Variants in ITGAV observed in about 807,000 individuals in gnomAD.
ITGAV encodes integrin subunit alpha V, also known as integrin alpha-V.
In ITGAV, 76 loss-of-function variants were observed where a neutral mutation model predicts 143.8. The ratio of observed to expected loss-of-function variants is 0.53; its 90% CI spans 0.44 to 0.64. The LOEUF is 0.64. Among genes scored for constraint, ITGAV ranks in the 30% least tolerant of loss-of-function variants. ITGAV has a pLI of 0.00. For synonymous variants in ITGAV, 453 were observed against 446.7 expected, an observed-to-expected ratio of 1.01 and a Z score of -0.18; for missense variants, 1,193 against 1,274.7, an observed-to-expected ratio of 0.94 and a Z score of 0.98.
At chr2:186,638,187 A>C (rs1230753786) in intron 8 of ITGAV, 90 bp from the exon 9 acceptor site, 1 of 1,142,106 alleles carries the variant, frequency 8.8e-7, no homozygotes, top group African/African-American at 1.5e-5. Flanking sequence ...GAAGTAGTAA[A>C]ACTTAAAGCT....
intron 28 of ITGAV, 174 bp downstream of exon 28, chr2:186,676,101 A>G (rs765676191): frequency 1.8e-5 from 10 of 553,846 alleles, no homozygotes; most frequent in Non-Finnish European, 3.2e-5. Context: ...CTTACCCCGA[A>G]GTGATTAAAG....
At chr2:186,590,544 C>G in intron 1 of ITGAV, 21 bp downstream of exon 1, 4 of 1,605,456 alleles carry the variant, frequency 2.5e-6, no homozygotes, top group South Asian at 2.2e-5. Flanking sequence ...GCACTTGGAA[C>G]TGGAGCCGGC....
chr2:186,632,277 C>T (rs1209914480), intron 5 of ITGAV, among the ~76,000 whole-genome samples: 1 of 151,902 alleles, frequency 6.6e-6, no homozygotes, highest in Non-Finnish European at 1.5e-5. Context: ...TATATAATGT[C>T]CATCTTTTCT....
intron 15 of ITGAV, among the ~76,000 whole-genome samples, chr2:186,653,444 A>G (rs1217135666): frequency 6.6e-6 from 1 of 152,168 alleles, no homozygotes; most frequent in African/African-American, 2.4e-5. Flanking sequence ...CTTATGATCA[A>G]GGAGAAAATG....
intron 8 of ITGAV, among the ~76,000 whole-genome samples, chr2:186,637,332 A>G (rs1248617462): frequency 2.6e-5 from 4 of 151,828 alleles, no homozygotes; most frequent in Non-Finnish European, 5.9e-5. Context: ...AAACACAAAA[A>G]TTAGCCGGGC....
At chr2:186,634,157 A>G (rs915840413) in intron 6 of ITGAV, among the ~76,000 whole-genome samples, 1 of 152,236 alleles carries the variant, frequency 6.6e-6, no homozygotes. Context: ...TTAAATTACC[A>G]TTTGAACATA....
intron 12 of ITGAV, 85 bp downstream of exon 12, chr2:186,641,673 C>G: frequency 9.4e-7 from 1 of 1,067,642 alleles, no homozygotes; most frequent in Non-Finnish European, 1.4e-6. Context: ...TAGAAGTCTA[C>G]ACGAGCAAAT....
rs1686578065 is a variant in ITGAV, at chr2:186,590,374, T to C, written c.36T>C (p.Gly12=). The C allele has an allele frequency of 6.3e-7, 1 of 1,596,192 alleles. No individual in the cohort carries two copies. Among genetic ancestry groups the C allele is most frequent in the Admixed American group, 1.7e-5 (1 of 58,442 alleles). Residue 12 remains glycine, a synonymous_variant, in exon 1 of 30, where the codon GGT becomes GGC. Coordinates refer to ENST00000261023, the MANE Select transcript of ITGAV (RefSeq NM_002210.5). The part of the protein sequence containing the change: ...AFPPRRRLRL[G]PRGLPLLLSG... ...CGCCGCGGCGACGGCTGCGCCTCGG[T>C]CCCCGCGGCCTCCCGCTTCTTCTCT...
At chr2:186,621,890 T>C (rs1687535389) in intron 2 of ITGAV, among the ~76,000 whole-genome samples, 1 of 152,226 alleles carries the variant, frequency 6.6e-6, no homozygotes, top group African/African-American at 2.4e-5. Flanking sequence ...ATTCTAATTC[T>C]TGCATTGTTA....
At chr2:186,657,906 C>CAA (rs1295537055) in intron 17 of ITGAV, among the ~76,000 whole-genome samples, 1 of 151,924 alleles carries the variant, frequency 6.6e-6, no homozygotes, top group Non-Finnish European at 1.5e-5. Flanking sequence ...CAATATCTAT[C>CAA]AAACATTCAA....
At chr2:186,661,887 A>G (rs1839124) in intron 18 of ITGAV, among the ~76,000 whole-genome samples, 114,555 of 151,978 alleles carry the variant, frequency 0.75, 43,524 homozygotes, top group African/African-American at 0.86. Flanking sequence ...GAGCCACCGT[A>G]CCCAGCCTCA....
chr2:186,613,464 T>G (rs1687273064), intron 2 of ITGAV, among the ~76,000 whole-genome samples: 3 of 152,196 alleles, frequency 2.0e-5, no homozygotes, highest in African/African-American at 7.2e-5. Flanking sequence ...TTTTGTTTAT[T>G]TTTGGGAAAC....
At chr2:186,602,306 AT>A (rs1229111578) in intron 2 of ITGAV, among the ~76,000 whole-genome samples, 155 bp downstream of exon 2, 1 of 152,202 alleles carries the variant, frequency 6.6e-6, no homozygotes, top group South Asian at 2.1e-4. Context: ...TTATTATATG[AT>A]TTTTTCCTAC....
chr2:186,615,367 T>A (rs973402556), intron 2 of ITGAV, among the ~76,000 whole-genome samples: 4 of 152,108 alleles, frequency 2.6e-5, no homozygotes, highest in Admixed American at 1.3e-4. Flanking sequence ...TTACCTTTTT[T>A]AAAAACTGTC....
intron 12 of ITGAV, among the ~76,000 whole-genome samples, chr2:186,642,587 T>C (rs1688139296): frequency 6.7e-6 from 1 of 149,902 alleles, no homozygotes; most frequent in African/African-American, 2.5e-5. Flanking sequence ...CAGGCTAGAA[T>C]GCAGTGGTGC....
At chr2:186,610,473 G>T (rs1687186979) in intron 2 of ITGAV, among the ~76,000 whole-genome samples, 1 of 152,094 alleles carries the variant, frequency 6.6e-6, no homozygotes, top group African/African-American at 2.4e-5. Context: ...CAACTAAGAT[G>T]TTTTAAAAAG....
In ITGAV at chr2:186,664,643, T is replaced by C; in HGVS notation, c.2073+2T>C. The stretch of plus-strand genomic sequence containing the variant: ...ATCGGGGTTGTCCGAAACAATGAAG[T>C]AAGCAGGCTGCCTCTTTAAAAATTG... On this transcript the variant is annotated splice_donor_variant, in intron 20 of 29. Transcript: ENST00000261023. LOFTEE classifies it high-confidence loss of function. The C allele has an allele frequency of 6.2e-7, 1 of 1,614,024 alleles. No homozygotes were observed. Among genetic ancestry groups the C allele is most frequent in the Non-Finnish European group, 8.5e-7 (1 of 1,179,922 alleles).
chr2:186,656,454 T>G, intron 17 of ITGAV, 53 bp downstream of exon 17: 2 of 1,271,914 alleles, frequency 1.6e-6, no homozygotes, highest in Non-Finnish European at 2.1e-6. Context: ...CATTAGTTTT[T>G]TATCTAAATG....
chr2:186,657,384 C>G (rs1210331706), intron 17 of ITGAV, among the ~76,000 whole-genome samples: 1 of 152,080 alleles, frequency 6.6e-6, no homozygotes, highest in Non-Finnish European at 1.5e-5. Flanking sequence ...AAACAAATTT[C>G]AAAAAGTAAT....
Sources: allele counts gnomAD v4.1 joint callset (sites outside exome capture counted in the v4.1 genomes callset), GRCh38; gene constraint gnomAD v4.1.1; transcripts MANE v1.5; gene names NCBI Gene and HGNC (gene_info 2026-07-23, HGNC 2026-07-21).